RNLS: variants seen among roughly 807,000 people sequenced by gnomAD.
RNLS encodes renalase, FAD dependent amine oxidase.
In RNLS, 39 loss-of-function variants were observed where a neutral mutation model predicts 39.8. The ratio of observed to expected loss-of-function variants is 0.98; its 90% CI spans 0.76 to 1.28. The LOEUF (loss-of-function observed/expected upper bound fraction) is 1.28, where lower values mean the gene tolerates loss of function less well. Ranked by LOEUF, RNLS falls within the 50% of genes most tolerant of loss-of-function variation. The pLI is 0.00. For synonymous variants in RNLS, 147 were observed against 150.7 expected, an observed-to-expected ratio of 0.98 and a Z score of 0.18; for missense variants, 410 against 413.3, an observed-to-expected ratio of 0.99 and a Z score of 0.07.
intron 4 of RNLS, among the ~76,000 whole-genome samples, chr10:88,478,931 C>T (rs1458363565): frequency 2.0e-5 from 3 of 150,944 alleles, no homozygotes; most frequent in Non-Finnish European, 3.0e-5. Context: ...TTCTGTCTGT[C>T]TCTCAAGCCA....
At chr10:88,561,418 C>A (rs76497488) in intron 4 of RNLS, among the ~76,000 whole-genome samples, 1 of 151,948 alleles carries the variant, frequency 6.6e-6, no homozygotes, top group Non-Finnish European at 1.5e-5. Flanking sequence ...ATTTAACATA[C>A]GGCAAATGAG....
intron 4 of RNLS, among the ~76,000 whole-genome samples, chr10:88,414,147 T>C (rs1853868527): frequency 6.6e-6 from 1 of 152,172 alleles, no homozygotes; most frequent in South Asian, 2.1e-4. Context: ...TCTGAATCTA[T>C]GTGGTCTTCT....
chr10:88,480,217 G>A (rs190921136), intron 4 of RNLS, among the ~76,000 whole-genome samples: 18 of 152,234 alleles, frequency 1.2e-4, no homozygotes, highest in African/African-American at 3.9e-4. Context: ...CATATTCCAC[G>A]TTCCTTTACC....
chr10:88,178,527 C>T, the RNLS span, among the ~76,000 whole-genome samples: 1 of 152,094 alleles, frequency 6.6e-6, no homozygotes. Flanking sequence ...TTATCTTTTC[C>T]CTGCAGTGGG....
chr10:88,526,435 G>A (rs1438766598), intron 4 of RNLS, among the ~76,000 whole-genome samples: 1 of 151,904 alleles, frequency 6.6e-6, no homozygotes, highest in Non-Finnish European at 1.5e-5. Flanking sequence ...AACAAAACCT[G>A]AGAAGACACA....
intron 3 of RNLS, among the ~76,000 whole-genome samples, chr10:88,579,772 C>T (rs1239362047): frequency 6.6e-6 from 1 of 152,186 alleles, no homozygotes; most frequent in Non-Finnish European, 1.5e-5. Context: ...TATGTGTCAA[C>T]TTGACTTGGC....
chr10:88,442,518 G>A (rs1209394720), intron 4 of RNLS, among the ~76,000 whole-genome samples: 1 of 152,134 alleles, frequency 6.6e-6, no homozygotes, highest in African/African-American at 2.4e-5. Flanking sequence ...CCTTATGCCA[G>A]AGCCCTGATG....
intron 4 of RNLS, among the ~76,000 whole-genome samples, chr10:88,411,928 G>A (rs945985718): frequency 1.3e-5 from 2 of 152,076 alleles, no homozygotes; most frequent in Non-Finnish European, 2.9e-5. Flanking sequence ...CTGGGAACTA[G>A]GATCATTCAA....
the RNLS span, among the ~76,000 whole-genome samples, chr10:88,225,782 CTAAG>C: frequency 2.0e-5 from 3 of 152,100 alleles, no homozygotes; most frequent in Non-Finnish European, 2.9e-5. Flanking sequence ...TATTATTTTA[CTAAG>C]TAACTAGTTA....
At chr10:88,569,699 G>T (rs1849714202) in intron 4 of RNLS, among the ~76,000 whole-genome samples, 1 of 152,126 alleles carries the variant, frequency 6.6e-6, no homozygotes, top group South Asian at 2.1e-4. Flanking sequence ...AAGGTCTACT[G>T]CAAAACAAGC....
At chr10:88,364,574 A>G (rs999492554) in intron 4 of RNLS, among the ~76,000 whole-genome samples, 1 of 152,096 alleles carries the variant, frequency 6.6e-6, no homozygotes, top group Non-Finnish European at 1.5e-5. Flanking sequence ...TTACTACCCT[A>G]TACTTTCCTC....
chr10:88,229,652 A>G, the RNLS span, among the ~76,000 whole-genome samples: 1 of 117,620 alleles, frequency 8.5e-6, no homozygotes, highest in Non-Finnish European at 1.9e-5. Context: ...CCCTTTGTCC[A>G]TTAACAATCA....
intron 4 of RNLS, among the ~76,000 whole-genome samples, chr10:88,472,850 T>C (rs1843621351): frequency 6.6e-6 from 1 of 152,190 alleles, no homozygotes. Flanking sequence ...ACTCAGATAC[T>C]CTTATCACCC....
chr10:88,243,122 A>G, the RNLS span, among the ~76,000 whole-genome samples: 1 of 152,174 alleles, frequency 6.6e-6, no homozygotes, highest in East Asian at 1.9e-4. Flanking sequence ...TAAATCATAT[A>G]ATGTGTGGGA....
chr10:88,488,219 T>C (rs1035496319), intron 4 of RNLS, among the ~76,000 whole-genome samples: 1 of 152,128 alleles, frequency 6.6e-6, no homozygotes, highest in Non-Finnish European at 1.5e-5. Flanking sequence ...GTGCAGGTTA[T>C]TGTATATCAA....
intron 4 of RNLS, among the ~76,000 whole-genome samples, chr10:88,419,455 A>G (rs888503248): frequency 6.6e-6 from 1 of 152,234 alleles, no homozygotes; most frequent in Non-Finnish European, 1.5e-5. Flanking sequence ...ACCATGGAGA[A>G]CAAGAGGTGA....
downstream of RNLS, among the ~76,000 whole-genome samples, chr10:88,279,673 TCAG>T (rs1842940641): frequency 6.6e-6 from 1 of 152,186 alleles, no homozygotes; most frequent in Non-Finnish European, 1.5e-5. Flanking sequence ...TCACTAATCT[TCAG>T]CAGAATCCAA....
the RNLS span, chr10:88,259,134 A>C: frequency 6.6e-6 from 1 of 152,234 alleles, no homozygotes; most frequent in Non-Finnish European, 1.5e-5. Flanking sequence ...TTAGAAAAGC[A>C]CACAGGAGTT....
the RNLS span, among the ~76,000 whole-genome samples, chr10:88,263,150 G>C: frequency 6.6e-6 from 1 of 152,022 alleles, no homozygotes; most frequent in Non-Finnish European, 1.5e-5. Context: ...TAATAATAAA[G>C]ATGTTGAAAG....
Sources: allele counts gnomAD v4.1 joint callset (sites outside exome capture counted in the v4.1 genomes callset), GRCh38; gene constraint gnomAD v4.1.1; transcripts MANE v1.5; gene names NCBI Gene and HGNC (gene_info 2026-07-23, HGNC 2026-07-21).